Variants in ITCH observed in about 807,000 individuals in gnomAD.
ITCH encodes E3 ubiquitin-protein ligase Itchy homolog.
ITCH carries 28 observed loss-of-function variants against 126.8 expected under a neutral mutation model. The observed-to-expected ratio is 0.22, with a 90% CI of 0.16 to 0.30. ITCH has a LOEUF of 0.30. Among genes scored for constraint, ITCH ranks in the 10% least tolerant of loss-of-function variants. The probability of loss-of-function intolerance (pLI) is 1.00; values close to 1 mark genes in which losing one functional copy is unlikely to be tolerated. For synonymous variants in ITCH, 342 were observed against 340.0 expected (o/e 1.01, Z -0.06); for missense variants, 631 against 1,032.4 (o/e 0.61, Z 5.33).
chr20:34,399,159 G>T (rs569343665), intron 3 of ITCH, among the ~76,000 whole-genome samples: 2 of 152,162 alleles, frequency 1.3e-5, no homozygotes. Context: ...TTGGGAGGCC[G>T]AGGTGGGCGG....
chr20:34,453,408 C>T (rs1298564561), intron 12 of ITCH, among the ~76,000 whole-genome samples: 3 of 152,110 alleles, frequency 2.0e-5, no homozygotes, highest in African/African-American at 7.2e-5. Flanking sequence ...CGATACCAGG[C>T]TGGGGCAACA....
intron 13 of ITCH, 41 bp from the exon 14 acceptor site, chr20:34,462,052 T>C: frequency 6.2e-7 from 1 of 1,603,416 alleles, no homozygotes; most frequent in Non-Finnish European, 8.5e-7. Context: ...AACAAGCAAC[T>C]CTTTAATATT....
At chr20:34,448,112 T>C (rs1256526975) in intron 11 of ITCH, among the ~76,000 whole-genome samples, 2 of 152,150 alleles carry the variant, frequency 1.3e-5, no homozygotes, top group African/African-American at 4.8e-5. Context: ...AATGTCAGCC[T>C]GGCGCGGTGG....
At chr20:34,494,505 C>T (rs1023707228) in intron 23 of ITCH, among the ~76,000 whole-genome samples, 3 of 152,056 alleles carry the variant, frequency 2.0e-5, no homozygotes, top group African/African-American at 7.2e-5. Context: ...TTAAATTATT[C>T]TTAATTGACA....
intron 17 of ITCH, 104 bp from the exon 18 acceptor site, chr20:34,479,526 A>G (rs1296342785): frequency 2.3e-5 from 20 of 864,856 alleles, no homozygotes; most frequent in Non-Finnish European, 3.3e-5. Context: ...TTAGAAAACT[A>G]TCACTAGCTG....
At chr20:34,460,020 G>A (rs1444690777) in intron 13 of ITCH, among the ~76,000 whole-genome samples, 1 of 152,110 alleles carries the variant, frequency 6.6e-6, no homozygotes, top group Non-Finnish European at 1.5e-5. Flanking sequence ...TTAGAATTCT[G>A]CTTTAACAAC....
At chr20:34,492,909 C>T (rs964667600) in intron 23 of ITCH, among the ~76,000 whole-genome samples, 23 of 152,072 alleles carry the variant, frequency 1.5e-4, no homozygotes, top group East Asian at 3.9e-4. Context: ...TATTATTTAA[C>T]GATGTGAGAA....
chr20:34,494,276 G>A (rs967891764), intron 23 of ITCH, among the ~76,000 whole-genome samples: 18 of 152,182 alleles, frequency 1.2e-4, no homozygotes, highest in Non-Finnish European at 2.5e-4. Flanking sequence ...ATTTAAAGGA[G>A]AGACCAGAGA....
At chr20:34,375,678 A>C (rs926882380) in intron 2 of ITCH, among the ~76,000 whole-genome samples, 3 of 147,138 alleles carry the variant, frequency 2.0e-5, no homozygotes, top group Non-Finnish European at 4.5e-5. Context: ...ATACACTCAC[A>C]ATGTATTGGT....
chr20:34,431,789 C>A (rs969835089), intron 7 of ITCH, among the ~76,000 whole-genome samples: 6 of 151,968 alleles, frequency 3.9e-5, no homozygotes, highest in Non-Finnish European at 7.4e-5. Flanking sequence ...CCTGTAATCC[C>A]AGCACTTTGG....
chr20:34,477,966 A>C, intron 17 of ITCH, 106 bp downstream of exon 17: 1 of 1,411,168 alleles, frequency 7.1e-7, no homozygotes, highest in Non-Finnish European at 9.8e-7. Context: ...AGGAAAATGA[A>C]ATATGTCAAA....
intron 7 of ITCH, among the ~76,000 whole-genome samples, chr20:34,425,501 C>T (rs1336932675): frequency 2.6e-5 from 4 of 152,110 alleles, no homozygotes; most frequent in African/African-American, 4.8e-5. Context: ...ATCTCCTGCT[C>T]GTCCCTGGGA....
At chr20:34,479,817 CT>C in intron 18 of ITCH, 28 bp downstream of exon 18, 1 of 1,603,716 alleles carries the variant, frequency 6.2e-7, no homozygotes, top group Non-Finnish European at 8.5e-7. Flanking sequence ...ATTATGTTTA[CT>C]TTGCTTATTC....
Position 34,405,906 on chromosome 20 carries a change from G to A in ITCH, c.71-2745G>A, listed in dbSNP as rs545783274. Reference sequence around the variant, plus strand: ...CCCAAAGTGCTGGTATTACGTGCCCGGCCTATTACATTTTAATCAGAGATA... The same window carrying A: ...CCCAAAGTGCTGGTATTACGTGCCCAGCCTATTACATTTTAATCAGAGATA... On this transcript the variant is annotated intron_variant, in intron 3 of 24. Transcript: ENST00000374864. 4.0e-5 allele frequency among the ~76,000 whole-genome samples: 6 copies of A among 151,794 alleles called. No homozygotes were observed. The East Asian group carries it at 5.8e-4, about 15-fold the overall frequency.
In ITCH at chr20:34,412,583, T is replaced by C. The variant is rs991608301; in HGVS notation, c.281T>C (p.Leu94Ser). The C allele has an allele frequency of 1.2e-6, 2 of 1,602,892 alleles. No individual in the cohort carries two copies. Among genetic ancestry groups the C allele is most frequent in the African/African-American group, 1.3e-5 (1 of 74,652 alleles). Reference sequence around the variant, plus strand: ...CACCAGACACTGAAATCTGATGTTTTGTTGGGAACTGCTGCATTAGATATT... The same window carrying C: ...CACCAGACACTGAAATCTGATGTTTCGTTGGGAACTGCTGCATTAGATATT... ...WSHQTLKSDVLLGTAALDIYE... is the reference protein window; with the variant it reads ...WSHQTLKSDVSLGTAALDIYE... The change falls in exon 5 of 25, where the codon TTG becomes TCG. Residue 94 changes from leucine (L) to serine (S), a missense_variant. By Grantham distance (145) the Leu-to-Ser change is moderately radical (BLOSUM62 -2). Transcript: ENST00000374864.
At chr20:34,371,059 T>C (rs1261720968) in intron 2 of ITCH, among the ~76,000 whole-genome samples, 1 of 149,860 alleles carries the variant, frequency 6.7e-6, no homozygotes, top group Non-Finnish European at 1.5e-5. Flanking sequence ...TCCCAGCTAC[T>C]CAGGAGGCTG....
intron 3 of ITCH, among the ~76,000 whole-genome samples, chr20:34,408,190 C>T: frequency 7.5e-6 from 1 of 133,760 alleles, no homozygotes; most frequent in East Asian, 2.2e-4. Context: ...ATTCTCCTAC[C>T]TCAGCCTCCC....
chr20:34,417,298 T>C (rs2146192459), intron 6 of ITCH: 1 of 439,554 alleles, frequency 2.3e-6, no homozygotes, highest in East Asian at 4.4e-5. Flanking sequence ...GGTTTCTCCG[T>C]GTTGGCCAGG....
chr20:34,475,230 G>A (rs866521915), intron 16 of ITCH, among the ~76,000 whole-genome samples: 5 of 152,172 alleles, frequency 3.3e-5, no homozygotes, highest in Non-Finnish European at 7.4e-5. Flanking sequence ...AGGCAGAGAT[G>A]CTCCTCACTT....
Sources: allele counts gnomAD v4.1 joint callset (sites outside exome capture counted in the v4.1 genomes callset), GRCh38; gene constraint gnomAD v4.1.1; transcripts MANE v1.5; gene names NCBI Gene and HGNC (gene_info 2026-07-23, HGNC 2026-07-21).